The following DST variants were observed in gnomAD, a reference collection of about 807,000 sequenced individuals.
DST encodes the protein dystonin, also known as bullous pemphigoid antigen.
In DST, 253 loss-of-function variants were observed where a neutral mutation model predicts 875.2. The observed-to-expected ratio is 0.29, with a 90% confidence interval of 0.26 to 0.32. The LOEUF is 0.32. Among genes scored for constraint, DST ranks in the 10% least tolerant of loss-of-function variants. The probability of loss-of-function intolerance (pLI) is 1.00; values close to 1 mark genes in which losing one functional copy is unlikely to be tolerated. For synonymous variants in DST, 3,124 were observed against 3,197.1 expected, an observed-to-expected ratio of 0.98 and a Z score of 0.77; for missense variants, 8,287 against 9,111.6, an observed-to-expected ratio of 0.91 and a Z score of 3.68.
intron 36 of DST, chr6:56,620,156 T>C (rs745925983): frequency 6.2e-7 from 1 of 1,613,524 alleles, no homozygotes; most frequent in African/African-American, 1.3e-5. Context: ...TTTTTCCATC[T>C]GCTTTATCAG....
At chr6:56,945,750 T>G (rs1318400675) in intron 2 of DST, 2 of 151,882 alleles carry the variant, frequency 1.3e-5, no homozygotes, top group African/African-American at 4.8e-5. Flanking sequence ...GGGCAGCACA[T>G]ATATGAAAAT....
intron 97 of DST, 113 bp from the exon 98 acceptor site, chr6:56,469,112 A>G: frequency 1.4e-6 from 1 of 730,670 alleles, no homozygotes; most frequent in South Asian, 3.0e-5. Context: ...TGTAGTATCT[A>G]GTTTAGAGAT....
chr6:56,739,731 C>T (rs1344660652), intron 4 of DST, among the ~76,000 whole-genome samples: 1 of 152,176 alleles, frequency 6.6e-6, no homozygotes, highest in African/African-American at 2.4e-5. Context: ...TCTGGTCGTC[C>T]TCACTATGAC....
At chr6:56,859,961 C>T (rs1770145068) in intron 3 of DST, among the ~76,000 whole-genome samples, 1 of 152,228 alleles carries the variant, frequency 6.6e-6, no homozygotes, top group Non-Finnish European at 1.5e-5. Flanking sequence ...TCACTTCACT[C>T]TTCCAAGAGT....
Position 56,458,373 on chromosome 6 carries a change from A to G in DST, c.*632T>C, listed in dbSNP as rs1238114972. The G allele has an allele frequency of 6.6e-6, 1 of 152,442 alleles. No individual in the cohort carries two copies. Among genetic ancestry groups the G allele is most frequent in the Non-Finnish European group, 1.5e-5 (1 of 68,044 alleles). The allele number at this position is 152,442 out of a possible 1,614,324, so 9.4% of individuals were successfully genotyped here. ...TCACATGTATATGAACGCACTTTAT[A>G]CTTATATTCTTACAGTATAATAGGT... On this transcript the variant is annotated 3_prime_UTR_variant, in exon 104 of 104. Coordinates refer to ENST00000680361, the MANE Select transcript of DST (RefSeq NM_001374736.1).
intron 37 of DST, among the ~76,000 whole-genome samples, chr6:56,611,874 TG>T (rs2098548547): frequency 6.6e-6 from 1 of 152,176 alleles, no homozygotes; most frequent in South Asian, 2.1e-4. Flanking sequence ...AGTCCAGCCG[TG>T]GATAAAGGTG....
chr6:56,934,146 A>C (rs1252889065), intron 2 of DST, among the ~76,000 whole-genome samples: 1 of 152,086 alleles, frequency 6.6e-6, no homozygotes, highest in Admixed American at 6.6e-5. Flanking sequence ...ATTTTATTTA[A>C]TTAGATGCTA....
chr6:56,899,762 C>T (rs142482117), intron 3 of DST, among the ~76,000 whole-genome samples: 3 of 152,332 alleles, frequency 2.0e-5, no homozygotes, highest in Non-Finnish European at 4.4e-5. Flanking sequence ...TCAGAGCACA[C>T]AGAACAACGT....
At chr6:56,473,040 T>C (rs2094974593) in intron 93 of DST, among the ~76,000 whole-genome samples, 1 of 152,212 alleles carries the variant, frequency 6.6e-6, no homozygotes, top group Non-Finnish European at 1.5e-5. Context: ...GTTAAGCATT[T>C]TGTATGTACT....
intron 1 of DST, 63 bp downstream of exon 1, chr6:56,954,344 C>CA: frequency 1.6e-6 from 2 of 1,243,146 alleles, no homozygotes; most frequent in Non-Finnish European, 2.1e-6. Context: ...AGCCGCGCTT[C>CA]ACTCTCCAAA....
At chr6:56,832,149 T>C (rs1193369917) in intron 4 of DST, among the ~76,000 whole-genome samples, 1 of 152,204 alleles carries the variant, frequency 6.6e-6, no homozygotes, top group Non-Finnish European at 1.5e-5. Flanking sequence ...AGAAAAAGTA[T>C]AAAGACTACA....
intron 74 of DST, 132 bp from the exon 75 acceptor site, chr6:56,508,887 A>T (rs2096403465): frequency 4.5e-6 from 3 of 672,234 alleles, no homozygotes; most frequent in East Asian, 5.5e-5. Context: ...GTTTTGAATG[A>T]CCCCAGTCCA....
intron 3 of DST, among the ~76,000 whole-genome samples, chr6:56,887,176 G>C (rs1172581023): frequency 2.6e-5 from 4 of 152,306 alleles, no homozygotes; most frequent in East Asian, 3.9e-4. Context: ...CTGAAGCAGA[G>C]AGGAATCTAG....
intron 2 of DST, among the ~76,000 whole-genome samples, chr6:56,936,833 T>C (rs1813256267): frequency 6.6e-6 from 1 of 151,480 alleles, no homozygotes. Context: ...AAATGAACCA[T>C]TTAGAAAGGC....
intron 4 of DST, among the ~76,000 whole-genome samples, chr6:56,849,537 C>T (rs769088849): frequency 4.6e-5 from 7 of 152,140 alleles, no homozygotes; most frequent in Non-Finnish European, 1.0e-4. Context: ...AATTAACAAG[C>T]GATGGCCCCT....
At position 56,557,364 on chromosome 6, in the gene DST, C is replaced by T. The variant is rs1426540017; in HGVS notation, c.14595G>A (p.Leu4865=). Residue 4865 remains leucine (L), a synonymous_variant, in exon 59 of 104, where the codon TTG becomes TTA. Coordinates refer to ENST00000680361, the MANE Select transcript of DST (RefSeq NM_001374736.1). ...TGTTTAGCATATTTGGGTCAATTGA[C>T]AAGGGCCCAAGAACACTGACCATAA... ...KELMVSVLGP[L]SIDPNMLNTQ... is the part of the protein sequence containing the mutation. 1 of 1,613,686 alleles carries T rather than the reference C, an allele frequency of 6.2e-7. No homozygotes were observed. Among genetic ancestry groups the T allele is most frequent in the Admixed American group, 1.7e-5 (1 of 59,998 alleles).
chr6:56,849,289 A>C (rs556346987), intron 4 of DST, among the ~76,000 whole-genome samples: 7 of 151,914 alleles, frequency 4.6e-5, no homozygotes, highest in African/African-American at 1.4e-4. Flanking sequence ...GGCACACGCC[A>C]CCACGCCCAG....
At chr6:56,505,641 G>A (rs1352020737) in intron 77 of DST, among the ~76,000 whole-genome samples, 2 of 151,940 alleles carry the variant, frequency 1.3e-5, no homozygotes, top group Non-Finnish European at 2.9e-5. Context: ...TAATAAAAAA[G>A]GAAAAGATGT....
intron 7 of DST, among the ~76,000 whole-genome samples, chr6:56,702,871 C>A (rs58122262): frequency 0.18 from 27,827 of 151,804 alleles, 3,554 homozygotes; most frequent in East Asian, 0.48. Context: ...TTGCTGAAGC[C>A]AAAGGTGCCA....
Sources: allele counts gnomAD v4.1 joint callset (sites outside exome capture counted in the v4.1 genomes callset), GRCh38; gene constraint gnomAD v4.1.1; transcripts MANE v1.5; gene names NCBI Gene and HGNC (gene_info 2026-07-23, HGNC 2026-07-21).